Variants in SLC8A1 observed in about 807,000 individuals in gnomAD.
SLC8A1 encodes the protein sodium/calcium exchanger 1.
A neutral mutation model predicts 68.3 loss-of-function variants in SLC8A1; 18 were observed. The observed-to-expected ratio is 0.26, with a 90% CI of 0.18 to 0.39. The LOEUF (loss-of-function observed/expected upper bound fraction) is 0.39. SLC8A1 is among the 10% of genes least tolerant of loss of function. The pLI, the probability that SLC8A1 is intolerant of heterozygous loss-of-function variation, is 1.00. For missense variants in SLC8A1, 985 were observed against 1,156.7 expected, an observed-to-expected ratio of 0.85 and a Z score of 2.15; for synonymous variants, 475 against 415.5, an observed-to-expected ratio of 1.14 and a Z score of -1.74.
intron 2 of SLC8A1, among the ~76,000 whole-genome samples, chr2:40,179,370 C>T (rs1332401180): frequency 6.6e-6 from 1 of 152,168 alleles, no homozygotes; most frequent in African/African-American, 2.4e-5. Flanking sequence ...ACAGTTCTTG[C>T]CTTATGGCGC....
intron 2 of SLC8A1, among the ~76,000 whole-genome samples, chr2:40,296,148 A>T (rs1331474643): frequency 6.6e-6 from 1 of 152,198 alleles, no homozygotes; most frequent in Non-Finnish European, 1.5e-5. Flanking sequence ...ATTTAGTTGG[A>T]TCTGATTTGC....
chr2:40,107,284 A>AAAAAAAAAAAAG (rs1184436258), exon 8 of SLC8A1: 6 of 142,428 alleles, frequency 4.2e-5, no homozygotes, highest in East Asian at 2.0e-4. Context: ...CGTCTCAAAA[A>AAAAAAAAAAAAG]AAAAAAAAAA....
At chr2:40,163,003 C>T (rs926671482) in intron 5 of SLC8A1, among the ~76,000 whole-genome samples, 8 of 152,056 alleles carry the variant, frequency 5.3e-5, no homozygotes, top group East Asian at 1.9e-4. Flanking sequence ...TAGGCTGATA[C>T]GTAAGGGCAG....
rs1572971897 is a variant in SLC8A1, at chr2:40,135,169, C to T, written c.2437+4232G>A. ...AACAGACTGGAAAGATAGGCAGGGG[C>T]CAAATCACATTGGTCTTGGTAAGAC... is the stretch of plus-strand genomic sequence containing the variant. On this transcript the variant is annotated intron_variant, in intron 7 of 7. Transcript: ENST00000406785. Among the ~76,000 whole-genome samples the T allele has an allele frequency of 5.3e-5, 8 of 152,270 alleles. 1 individual carries two copies. The highest frequency in any genetic ancestry group is 5.2e-4 in the Admixed American group (8 of 15,298).
rs1176638805 is a variant in SLC8A1 at position 40,200,192 on chromosome 2, TTATA to T, written c.1809-22341_1809-22338del. Reference sequence around the variant, plus strand: ...GTCATTGATATATATATATATATATTTATATATATATATAAATATATATATATTT... The same window carrying T: ...GTCATTGATATATATATATATATATTTATATATATAAATATATATATATTT... On this transcript the variant is annotated intron_variant, in intron 2 of 7. Coordinates refer to ENST00000406785, the Ensembl canonical transcript of SLC8A1. 1.1e-3 allele frequency among the ~76,000 whole-genome samples: 11 copies of T among 9,622 alleles called. 2 individuals are homozygous for T. The highest frequency in any genetic ancestry group is 3.0e-3 in the African/African-American group (11 of 3,690). The allele number at this position is 9,622 out of a possible 152,430, so 6.3% of individuals were successfully genotyped here.
chr2:40,112,846 T>C (rs5551), exon 8 of SLC8A1: 90,672 of 152,078 alleles, frequency 0.6, 27,538 homozygotes, highest in East Asian at 0.8. Flanking sequence ...TATCTGCAAG[T>C]CGGTCAAAGA....
At chr2:40,347,862 T>C (rs1461657662) in intron 2 of SLC8A1, among the ~76,000 whole-genome samples, 1 of 152,162 alleles carries the variant, frequency 6.6e-6, no homozygotes, top group Non-Finnish European at 1.5e-5. Context: ...ATCAACCATA[T>C]AATTAATAAC....
In SLC8A1 at chr2:40,239,342, T is replaced by C. The variant is rs572924111; in HGVS notation, c.1809-61487A>G. On this transcript the variant is annotated intron_variant, in intron 2 of 7. Transcript: ENST00000406785. ...AGTGGCACACACCAAGATCACTGAG[T>C]TATCTGGATTTTTTTCCTAGTTTCT... 6.6e-5 allele frequency among the ~76,000 whole-genome samples: 10 copies of C among 152,246 alleles called. No individual in the cohort carries two copies. The South Asian group carries it at 1.7e-3, about 25-fold the overall frequency.
At chr2:40,184,469 C>A (rs1292581370) in intron 2 of SLC8A1, among the ~76,000 whole-genome samples, 1 of 152,158 alleles carries the variant, frequency 6.6e-6, no homozygotes, top group Non-Finnish European at 1.5e-5. Context: ...TCTCTGCAGG[C>A]AACCTTAATA....
At chr2:40,148,996 C>T (rs936911116) in intron 6 of SLC8A1, among the ~76,000 whole-genome samples, 8 of 152,300 alleles carry the variant, frequency 5.3e-5, no homozygotes, top group Admixed American at 2.0e-4. Flanking sequence ...TGTTTTTCTT[C>T]AATATCAGCC....
intron 2 of SLC8A1, among the ~76,000 whole-genome samples, chr2:40,325,647 T>C (rs972650124): frequency 1.3e-5 from 2 of 151,668 alleles, no homozygotes; most frequent in African/African-American, 4.8e-5. Context: ...TCATAAAAAA[T>C]AAGCATCTCT....
At chr2:40,250,857 A>C (rs1251041029) in intron 2 of SLC8A1, 2 of 152,302 alleles carry the variant, frequency 1.3e-5, no homozygotes, top group Middle Eastern at 3.4e-3. Context: ...CAAAAAAAGT[A>C]CCTGTAACTG....
intron 1 of SLC8A1, among the ~76,000 whole-genome samples, chr2:40,459,184 T>C (rs1199686319): frequency 6.6e-6 from 1 of 152,044 alleles, no homozygotes; most frequent in Admixed American, 6.5e-5. Flanking sequence ...AATTAACACA[T>C]TGTAGGGTGT....
At chr2:40,364,713 C>T (rs1056885892) in intron 2 of SLC8A1, among the ~76,000 whole-genome samples, 20 of 152,062 alleles carry the variant, frequency 1.3e-4, no homozygotes, top group African/African-American at 4.6e-4. Context: ...CATTTTCAGC[C>T]TTTCTTTCCC....
intron 7 of SLC8A1, among the ~76,000 whole-genome samples, chr2:40,120,530 C>T (rs1472609530): frequency 6.6e-6 from 1 of 152,132 alleles, no homozygotes; most frequent in Non-Finnish European, 1.5e-5. Context: ...TCTAACTTTA[C>T]TGTTTGGGTG....
chr2:40,288,274 G>A (rs58511965), intron 2 of SLC8A1, among the ~76,000 whole-genome samples: 7,297 of 152,152 alleles, frequency 0.048, 578 homozygotes, highest in African/African-American at 0.17. Flanking sequence ...TTTTTATTTA[G>A]CAGAATCACA....
intron 2 of SLC8A1, chr2:40,251,610 A>T (rs190047006): frequency 5.9e-5 from 9 of 152,266 alleles, no homozygotes; most frequent in Non-Finnish European, 8.8e-5. Context: ...TTGCAATTTG[A>T]TACGCTGTGC....
intron 1 of SLC8A1, among the ~76,000 whole-genome samples, chr2:40,510,519 C>A (rs1253982311): frequency 6.6e-6 from 1 of 152,132 alleles, no homozygotes; most frequent in African/African-American, 2.4e-5. Flanking sequence ...TTATGTCAAC[C>A]TTTTACATAT....
At position 40,314,494 on chromosome 2, in the gene SLC8A1, T is replaced by C. The variant is rs192971653; in HGVS notation, c.1808+113979A>G. On this transcript the variant is annotated intron_variant, in intron 2 of 7. Transcript: ENST00000406785. Reference sequence around the variant, plus strand: ...AGCTATTTTAGGTCCTCTGTATTTATACATGAACTTTAGAAAAAGCTTGAA... The same window carrying C: ...AGCTATTTTAGGTCCTCTGTATTTACACATGAACTTTAGAAAAAGCTTGAA... Among the ~76,000 whole-genome samples the C allele has an allele frequency of 2.6e-5, 4 of 152,088 alleles. No individual in the cohort carries two copies. In the East Asian group the frequency reaches 7.7e-4, roughly 29 times the overall value.
Sources: gnomAD v4.1 joint callset for allele counts (sites outside exome capture counted in the v4.1 genomes callset) on GRCh38, gnomAD v4.1.1 for gene constraint, MANE v1.5 for transcripts, NCBI Gene and HGNC (gene_info 2026-07-23, HGNC 2026-07-21) for gene names.